C11orf65: variants seen among roughly 807,000 people sequenced by gnomAD.
C11orf65 encodes protein MFI.
Under a neutral mutation model 35.3 loss-of-function variants are expected in C11orf65, and 38 were observed. The observed-to-expected ratio is 1.08, with a 90% CI of 0.83 to 1.41. C11orf65 has a LOEUF of 1.41. C11orf65 is among the 40% of genes most tolerant of loss of function. The pLI, the probability that C11orf65 is intolerant of heterozygous loss-of-function variation, is 0.00. For synonymous variants in C11orf65, 105 were observed against 114.4 expected, an observed-to-expected ratio of 0.92 and a Z score of 0.53; for missense variants, 370 against 367.1, an observed-to-expected ratio of 1.01 and a Z score of -0.06.
intron 2 of C11orf65, among the ~76,000 whole-genome samples, chr11:108,362,114 C>A (rs1345706561): frequency 2.9e-5 from 4 of 138,774 alleles, no homozygotes; most frequent in African/African-American, 1.1e-4. Flanking sequence ...AAAAAACAAA[C>A]AACCCCATCA....
chr11:108,446,658 G>T (rs2093264863), intron 2 of C11orf65, among the ~76,000 whole-genome samples: 1 of 152,090 alleles, frequency 6.6e-6, no homozygotes, highest in Admixed American at 6.6e-5. Context: ...GGAACAACCG[G>T]TACCAGCCAC....
At chr11:108,437,399 T>C (rs1189235899) in intron 2 of C11orf65, among the ~76,000 whole-genome samples, 1 of 151,996 alleles carries the variant, frequency 6.6e-6, no homozygotes, top group Non-Finnish European at 1.5e-5. Context: ...GGTTTGTATC[T>C]GGATAGATAA....
chr11:108,363,154 A>G (rs185634491), intron 2 of C11orf65, among the ~76,000 whole-genome samples: 1 of 152,232 alleles, frequency 6.6e-6, no homozygotes, highest in African/African-American at 2.4e-5. Flanking sequence ...TTCTGCCTTC[A>G]GCTTTAGGAG....
chr11:108,427,678 C>A (rs1341729540), intron 3 of C11orf65, among the ~76,000 whole-genome samples: 2 of 114,434 alleles, frequency 1.7e-5, no homozygotes, highest in African/African-American at 3.4e-5. Context: ...GTTGAGATCG[C>A]GCCACTGCAC....
chr11:108,346,200 CAA>C (rs1333937655), intron 2 of C11orf65, among the ~76,000 whole-genome samples: 1 of 152,042 alleles, frequency 6.6e-6, no homozygotes, highest in Non-Finnish European at 1.5e-5. Context: ...TCTCTCCTCT[CAA>C]TATATTATTT....
chr11:108,454,507 A>G (rs1250709670), intron 2 of C11orf65, among the ~76,000 whole-genome samples: 1 of 152,148 alleles, frequency 6.6e-6, no homozygotes, highest in East Asian at 1.9e-4. Flanking sequence ...CATGTTGGTC[A>G]GTCTGGTCTT....
chr11:108,337,577 T>G (rs1260903747), intron 2 of C11orf65, among the ~76,000 whole-genome samples: 1 of 152,220 alleles, frequency 6.6e-6, no homozygotes, highest in Admixed American at 6.5e-5. Context: ...ATACCAGTTA[T>G]GTTGATGCTG....
intron 2 of C11orf65, among the ~76,000 whole-genome samples, chr11:108,440,888 T>C (rs970352610): frequency 4.6e-5 from 7 of 152,262 alleles, no homozygotes; most frequent in Admixed American, 3.9e-4. Context: ...AGAGCCCCAG[T>C]CTACAGCTCC....
intron 2 of C11orf65, among the ~76,000 whole-genome samples, chr11:108,372,436 G>A (rs773891369): frequency 5.9e-5 from 9 of 152,300 alleles, no homozygotes; most frequent in Non-Finnish European, 1.2e-4. Context: ...TCAGTGATAT[G>A]CCCGCCTCAG....
intron 2 of C11orf65, among the ~76,000 whole-genome samples, chr11:108,444,067 C>T (rs1200012173): frequency 1.3e-5 from 2 of 151,912 alleles, no homozygotes; most frequent in Non-Finnish European, 2.9e-5. Flanking sequence ...ATTGATAGAC[C>T]ACTAGCAAGA....
At chr11:108,348,696 A>G (rs2088801684) in intron 2 of C11orf65, among the ~76,000 whole-genome samples, 1 of 152,202 alleles carries the variant, frequency 6.6e-6, no homozygotes, top group African/African-American at 2.4e-5. Flanking sequence ...GAAATAAGTT[A>G]TCACAGGTTT....
At chr11:108,388,927 T>C (rs572657410) in intron 7 of C11orf65, among the ~76,000 whole-genome samples, 33 of 152,360 alleles carry the variant, frequency 2.2e-4, no homozygotes, top group African/African-American at 7.5e-4. Flanking sequence ...TTCCAAATGA[T>C]AATAACAATG....
At chr11:108,320,081 C>T in intron 6 of C11orf65, 5 of 1,507,386 alleles carry the variant, frequency 3.3e-6, no homozygotes, top group Non-Finnish European at 4.6e-6. Context: ...GACAAAGTTA[C>T]TGTATTTTAA....
At chr11:108,450,244 A>T (rs1249700193) in intron 2 of C11orf65, among the ~76,000 whole-genome samples, 1 of 151,938 alleles carries the variant, frequency 6.6e-6, no homozygotes, top group Non-Finnish European at 1.5e-5. Context: ...AGGGATCTAG[A>T]ACTAGAAATA....
intron 2 of C11orf65, among the ~76,000 whole-genome samples, chr11:108,377,338 A>G (rs1269435444): frequency 6.6e-6 from 1 of 152,242 alleles, no homozygotes; most frequent in African/African-American, 2.4e-5. Flanking sequence ...ACGCAAATCA[A>G]TAAATGTAAT....
chr11:108,373,982 C>T (rs969973015), intron 2 of C11orf65, among the ~76,000 whole-genome samples: 15 of 152,220 alleles, frequency 9.9e-5, no homozygotes, highest in Admixed American at 5.9e-4. Flanking sequence ...GAGGGGCACC[C>T]GCCATTGCCC....
chr11:108,363,046 C>T (rs556213090), intron 2 of C11orf65, among the ~76,000 whole-genome samples: 1 of 152,318 alleles, frequency 6.6e-6, no homozygotes, highest in African/African-American at 2.4e-5. Context: ...ACCTAATCTT[C>T]CCTCCGTAAA....
chr11:108,321,415 C>T, intron 6 of C11orf65: 2 of 1,614,108 alleles, frequency 1.2e-6, no homozygotes, highest in South Asian at 1.1e-5. Context: ...GGGAGCTTTT[C>T]TCAAGGTATG....
intron 2 of C11orf65, among the ~76,000 whole-genome samples, chr11:108,450,714 T>C (rs1204010771): frequency 6.6e-6 from 1 of 151,250 alleles, no homozygotes. Flanking sequence ...ACACGGCACA[T>C]GTATACATAT....
Sources: allele counts gnomAD v4.1 joint callset (sites outside exome capture counted in the v4.1 genomes callset), GRCh38; gene constraint gnomAD v4.1.1; transcripts MANE v1.5; gene names NCBI Gene and HGNC (gene_info 2026-07-23, HGNC 2026-07-21).